The following NLRC3 variants were observed in gnomAD, a reference collection of about 807,000 sequenced individuals.
The protein encoded by NLRC3 is NLR family CARD domain-containing protein 3.
In NLRC3, 87 loss-of-function variants were observed where a neutral mutation model predicts 91.6. That is an observed-to-expected ratio of 0.95 (90% CI 0.80 to 1.14). The LOEUF (loss-of-function observed/expected upper bound fraction) is 1.14. NLRC3 is among the 50% of genes most tolerant of loss of function. The pLI is 0.00. For missense variants in NLRC3, 1,577 were observed against 1,418.6 expected, an observed-to-expected ratio of 1.11 and a Z score of -1.79; for synonymous variants, 694 against 625.3, an observed-to-expected ratio of 1.11 and a Z score of -1.64.
At position 3,564,120 on chromosome 16, in the gene NLRC3, C is replaced by T; in HGVS notation, c.817G>A (p.Gly273Ser). 1 of 1,613,648 alleles carries T rather than the reference C, an allele frequency of 6.2e-7. No individual in the cohort carries two copies. The highest frequency in any genetic ancestry group is 2.2e-5 in the East Asian group (1 of 44,882). Residue 273 changes from glycine (G) to serine (S), a missense_variant, in exon 5 of 20, where the codon GGC becomes AGC. Gly to Ser is a moderately conservative substitution (Grantham distance 56, BLOSUM62 0). Transcript: ENST00000359128. This position sits in a 1 kb window ranked among gnomAD's most constrained non-coding sequence, Gnocchi z 5.9. ...TCCACCAGGCCCCCTGGGATCTGGC[C>T]AGATGCACTGGGACGGGAGGTGATC... ...IWITSRPSAS[G>S]QIPGGLVDRM... is the part of the protein sequence containing the mutation.
intron 1 of NLRC3, among the ~76,000 whole-genome samples, chr16:3,574,701 C>G (rs543902064): frequency 6.6e-6 from 1 of 152,198 alleles, no homozygotes; most frequent in African/African-American, 2.4e-5. Flanking sequence ...TGGCTCATGC[C>G]TGTAATCCTA....
At chr16:3,547,303 G>A (rs1035440943) in intron 15 of NLRC3, among the ~76,000 whole-genome samples, 2 of 152,178 alleles carry the variant, frequency 1.3e-5, no homozygotes, top group African/African-American at 4.8e-5. Context: ...AAAAGGCCAC[G>A]TGTCGTATGA....
At chr16:3,542,601 G>A (rs1234904353) in intron 18 of NLRC3, 91 bp downstream of exon 18, 3 of 745,022 alleles carry the variant, frequency 4.0e-6, no homozygotes, top group Non-Finnish European at 7.0e-6. Context: ...AATAGCTACA[G>A]AAGAAATCAG....
chr16:3,545,168 G>C (rs182766023), intron 15 of NLRC3: 1 of 152,236 alleles, frequency 6.6e-6, no homozygotes, highest in African/African-American at 2.4e-5. Flanking sequence ...GAGTGTGGCC[G>C]GGCGCAGTGG....
At chr16:3,557,369 G>A (rs2039391581) in intron 7 of NLRC3, among the ~76,000 whole-genome samples, 1 of 152,210 alleles carries the variant, frequency 6.6e-6, no homozygotes, top group Admixed American at 6.5e-5. Context: ...GTGCGCTAAG[G>A]TGTGGCCTCC....
chr16:3,566,978 T>C (rs1345211985), intron 2 of NLRC3, among the ~76,000 whole-genome samples: 3 of 152,180 alleles, frequency 2.0e-5, no homozygotes, highest in Non-Finnish European at 4.4e-5. Context: ...GAGAAAACGC[T>C]GGTTCTCAGA....
rs200517651 is a variant in NLRC3 at position 3,554,261 on chromosome 16, G to A, written c.2248C>T (p.Arg750Trp). 288 of 1,612,976 alleles carry A rather than the reference G, an allele frequency of 1.8e-4. No individual in the cohort carries two copies. Among genetic ancestry groups the A allele is most frequent in the Non-Finnish European group, 2.3e-4 (277 of 1,179,104 alleles). ...RSMAEALASN[R>W]TLSMLHLQKN... ...ACTCACTGCAGCATGGAGAGGGTCC[G>A]GTTGGAGGCCAAGGCCTCAGCCATG... Residue 750 changes from arginine (R) to tryptophan (W), a missense_variant, in exon 9 of 20, where the codon CGG (arginine) becomes TGG (tryptophan). Coordinates refer to ENST00000359128, the MANE Select transcript of NLRC3 (RefSeq NM_178844.4).
At chr16:3,549,060 G>C in intron 13 of NLRC3, 82 bp downstream of exon 13, 1 of 1,076,912 alleles carries the variant, frequency 9.3e-7, no homozygotes, top group Non-Finnish European at 1.4e-6. Flanking sequence ...GTGACGTGGC[G>C]AGGGTGCCCG....
chr16:3,574,676 C>T (rs774228936), intron 1 of NLRC3, among the ~76,000 whole-genome samples: 1 of 152,140 alleles, frequency 6.6e-6, no homozygotes, highest in African/African-American at 2.4e-5. Flanking sequence ...AAATACAAGA[C>T]AAACCTGGGC....
intron 6 of NLRC3, among the ~76,000 whole-genome samples, chr16:3,561,441 G>A (rs1035200414): frequency 1.3e-5 from 2 of 152,200 alleles, no homozygotes; most frequent in Non-Finnish European, 2.9e-5. Flanking sequence ...GTCAGCACAC[G>A]TAGTGCTGTG....
chr16:3,548,829 C>T, intron 13 of NLRC3, 76 bp from the exon 14 acceptor site: 4 of 1,050,602 alleles, frequency 3.8e-6, no homozygotes, highest in Non-Finnish European at 5.6e-6. Context: ...CCAGGGATTC[C>T]AGGGCTTGAT....
chr16:3,539,041 A>G lies in NLRC3; in HGVS notation c.*2784T>C, dbSNP rs1005996190. On this transcript the variant is annotated 3_prime_UTR_variant, in exon 20 of 20. Coordinates refer to ENST00000359128, the MANE Select transcript of NLRC3 (RefSeq NM_178844.4). ...TGGAAAATACAAAGGAATTTTTCAA[A>G]TACTCAATTTTTATTGGTAGTAGTT... is the stretch of plus-strand genomic sequence containing the variant. 3.3e-5 allele frequency: 5 copies of G among 152,252 alleles called. No individual in the cohort carries two copies. The highest frequency in any genetic ancestry group is 1.2e-4 in the African/African-American group (5 of 41,458). 9.4% of individuals were successfully genotyped at this position (152,252 alleles called of 1,614,324 possible).
Position 3,548,708 on chromosome 16 carries a change from TG to T in NLRC3, c.2648del (p.Ala883GlufsTer4), listed in dbSNP as rs2038830395. On this transcript the variant is annotated frameshift_variant, in exon 14 of 20. Transcript: ENST00000359128. LOFTEE classifies it high-confidence loss of function. ...GGGTGCGGTTTTCTCTCACTGCCAC[TG>T]CGATGGCCCGGGCACCCTGGTCGTG... The part of the protein sequence containing the change: ...LLHDQGARAI[A>X]VAVRENRTLT... The T allele has an allele frequency of 6.2e-7, 1 of 1,602,920 alleles. No homozygotes were observed. Among genetic ancestry groups the T allele is most frequent in the African/African-American group, 1.3e-5 (1 of 74,794 alleles).
intron 16 of NLRC3, 189 bp from the exon 17 acceptor site, chr16:3,543,697 G>A (rs1356841616): frequency 1.7e-6 from 1 of 587,408 alleles, no homozygotes; most frequent in African/African-American, 1.9e-5. Context: ...CAGAGATCTG[G>A]ATGCTAAGGA....
At chr16:3,542,402 C>T in intron 18 of NLRC3, 128 bp from the exon 19 acceptor site, 1 of 692,622 alleles carries the variant, frequency 1.4e-6, no homozygotes, top group South Asian at 1.6e-5. Context: ...CATGGCAACT[C>T]CAGGTGGGAG....
At position 3,541,814 on chromosome 16, in the gene NLRC3, G is replaced by C. The variant is rs377140210; in HGVS notation, c.*11C>G. ...GAGCATCTGCCCATTCTCCTGATCC[G>C]TCCACCAGGATCACATTTCAACAGT... On this transcript the variant is annotated 3_prime_UTR_variant, in exon 20 of 20. Coordinates refer to ENST00000359128, the MANE Select transcript of NLRC3 (RefSeq NM_178844.4). The C allele has an allele frequency of 3.8e-6, 6 of 1,570,826 alleles. No individual in the cohort carries two copies. In the African/African-American group the frequency reaches 8.1e-5, roughly 21 times the overall value.
At chr16:3,569,392 A>ATTTT (rs201744035) in intron 1 of NLRC3, among the ~76,000 whole-genome samples, 3 of 55,538 alleles carry the variant, frequency 5.4e-5, no homozygotes, top group Non-Finnish European at 5.9e-5. Context: ...ATATATATAT[A>ATTTT]TATTATTTTT....
At chr16:3,541,987 A>G (rs763105539) in intron 19 of NLRC3, 72 bp from the exon 20 acceptor site, 2 of 931,960 alleles carry the variant, frequency 2.1e-6, no homozygotes, top group Admixed American at 2.0e-5. Flanking sequence ...ATACAATAGA[A>G]AATGCAGGAC....
At chr16:3,575,837 A>G (rs897911692) in intron 1 of NLRC3, among the ~76,000 whole-genome samples, 4 of 152,084 alleles carry the variant, frequency 2.6e-5, no homozygotes, top group African/African-American at 7.2e-5. Context: ...CTGGCTGCCT[A>G]CCTGGGCTGC....
Sources: allele counts gnomAD v4.1 joint callset (sites outside exome capture counted in the v4.1 genomes callset), GRCh38; gene constraint gnomAD v4.1.1; non-coding constraint Gnocchi (gnomAD v3.1); transcripts MANE v1.5; gene names NCBI Gene and HGNC (gene_info 2026-07-23, HGNC 2026-07-21).